Variants in ZMYND8 observed in about 807,000 individuals in gnomAD.
ZMYND8 encodes zinc finger MYND-type containing 8.
In ZMYND8, 37 loss-of-function variants were observed where a neutral mutation model predicts 140.8. The observed-to-expected ratio is 0.26, with a 90% confidence interval of 0.20 to 0.35. ZMYND8 has a LOEUF of 0.35. ZMYND8 is among the 10% of genes least tolerant of loss of function. The pLI is 1.00. For synonymous variants in ZMYND8, 592 were observed against 597.1 expected (o/e 0.99, Z 0.12); for missense variants, 1,068 against 1,570.0 (o/e 0.68, Z 5.40).
chr20:47,283,392 C>T (rs2147879786), intron 9 of ZMYND8, among the ~76,000 whole-genome samples, 179 bp downstream of exon 9: 1 of 152,216 alleles, frequency 6.6e-6, no homozygotes, highest in South Asian at 2.1e-4. Flanking sequence ...GAACTTTCAG[C>T]CTAAGAGGTT....
chr20:47,352,681 G>A (rs946002925), intron 1 of ZMYND8: 21 of 385,422 alleles, frequency 5.4e-5, no homozygotes, highest in Non-Finnish European at 6.4e-5. Flanking sequence ...GGGGAGAAAG[G>A]AGGGCACAGT....
chr20:47,286,636 C>T (rs985691228), intron 8 of ZMYND8, among the ~76,000 whole-genome samples: 1 of 152,112 alleles, frequency 6.6e-6, no homozygotes, highest in African/African-American at 2.4e-5. Context: ...AAGGTCATTC[C>T]ATCTCATTTT....
intron 14 of ZMYND8, 148 bp downstream of exon 14, chr20:47,245,859 CA>C: frequency 8.0e-7 from 1 of 1,248,694 alleles, no homozygotes; most frequent in Admixed American, 3.0e-5. Context: ...AAACCAAACA[CA>C]GCTTCACTGT....
chr20:47,289,936 A>T (rs1255654418), intron 7 of ZMYND8, among the ~76,000 whole-genome samples: 5 of 152,240 alleles, frequency 3.3e-5, no homozygotes, highest in Admixed American at 1.3e-4. Context: ...TTATGCAATT[A>T]TACTTCCATT....
chr20:47,239,041 G>A lies in ZMYND8; in HGVS notation c.2382C>T (p.Gly794=), dbSNP rs762813377. The A allele has an allele frequency of 3.5e-5, 56 of 1,580,738 alleles. No homozygotes were observed. Among genetic ancestry groups the A allele is most frequent in the Middle Eastern group, 1.7e-4 (1 of 5,940 alleles). ...AGGACGTGCTGGTGGTGGCTGTGGC[G>A]CCAGCCGCGGAAGTTTGGGCGGAAG... ...TRSSAQTSAA[G]ATATTSTSST... The change falls in exon 15 of 23, where the codon GGC becomes GGT. Residue 794 remains glycine, a synonymous_variant. Coordinates refer to ENST00000471951, the MANE Select transcript of ZMYND8 (RefSeq NM_001281775.3).
chr20:47,328,419 T>A (rs2080634885), intron 2 of ZMYND8, among the ~76,000 whole-genome samples: 1 of 151,564 alleles, frequency 6.6e-6, no homozygotes, highest in African/African-American at 2.4e-5. Flanking sequence ...ATTTTTATCA[T>A]TTGAAAGGAA....
intron 2 of ZMYND8, among the ~76,000 whole-genome samples, chr20:47,325,238 T>C (rs1471951624): frequency 6.6e-6 from 1 of 152,184 alleles, no homozygotes; most frequent in Non-Finnish European, 1.5e-5. Flanking sequence ...TATTTTCCTC[T>C]TCTGCTGGTT....
chr20:47,253,926 T>C (rs1263732273), intron 12 of ZMYND8, among the ~76,000 whole-genome samples: 3 of 152,262 alleles, frequency 2.0e-5, no homozygotes, highest in Non-Finnish European at 2.9e-5. Context: ...ATGTTTATTC[T>C]TGTTAGAATA....
At chr20:47,348,239 C>A in intron 1 of ZMYND8, 1 of 369,424 alleles carries the variant, frequency 2.7e-6, no homozygotes, top group South Asian at 2.5e-5. Context: ...GAGAACCCAG[C>A]CTTCAAATAA....
At chr20:47,231,465 C>A (rs944035139) in intron 16 of ZMYND8, among the ~76,000 whole-genome samples, 3 of 152,198 alleles carry the variant, frequency 2.0e-5, no homozygotes, top group South Asian at 2.1e-4. Context: ...ATGAAAAAAA[C>A]CACGCAAACA....
At chr20:47,235,539 T>C (rs2039114225) in intron 16 of ZMYND8, among the ~76,000 whole-genome samples, 1 of 151,970 alleles carries the variant, frequency 6.6e-6, no homozygotes, top group African/African-American at 2.4e-5. Context: ...ACCCCATCTC[T>C]ACTAAAAAAA....
At chr20:47,346,466 C>T (rs931826756) in intron 2 of ZMYND8, among the ~76,000 whole-genome samples, 2 of 152,198 alleles carry the variant, frequency 1.3e-5, no homozygotes, top group East Asian at 1.9e-4. Context: ...CTCCCCAGCA[C>T]ACAGCACCCA....
At chr20:47,236,568 C>A (rs1356647039) in intron 15 of ZMYND8, 52 bp from the exon 16 acceptor site, 2 of 1,478,776 alleles carry the variant, frequency 1.4e-6, no homozygotes, top group Non-Finnish European at 1.8e-6. Context: ...CCCATCCCAG[C>A]ACAAAGCTGT....
chr20:47,334,435 T>C (rs1417199309), intron 2 of ZMYND8, among the ~76,000 whole-genome samples: 1 of 151,942 alleles, frequency 6.6e-6, no homozygotes, highest in African/African-American at 2.4e-5. Context: ...TTATATGAAA[T>C]GTCTAGCATA....
chr20:47,217,107 A>C (rs1005224546), intron 21 of ZMYND8, among the ~76,000 whole-genome samples: 4 of 152,210 alleles, frequency 2.6e-5, no homozygotes, highest in African/African-American at 9.6e-5. Context: ...TATTAGCAAC[A>C]GTACTCCATG....
intron 2 of ZMYND8, among the ~76,000 whole-genome samples, chr20:47,336,405 A>G (rs1445697211): frequency 6.6e-6 from 1 of 152,192 alleles, no homozygotes; most frequent in Non-Finnish European, 1.5e-5. Context: ...CATTACACAG[A>G]CATTTTTAAA....
At chr20:47,222,811 C>T (rs747917432) in intron 19 of ZMYND8, among the ~76,000 whole-genome samples, 15 of 152,228 alleles carry the variant, frequency 9.9e-5, no homozygotes, top group Non-Finnish European at 1.6e-4. Context: ...AATAAAATAA[C>T]AGATTTGTCT....
chr20:47,306,389 G>A (rs2078486323), intron 3 of ZMYND8, among the ~76,000 whole-genome samples: 1 of 152,006 alleles, frequency 6.6e-6, no homozygotes, highest in African/African-American at 2.4e-5. Context: ...CTGCACTCCA[G>A]CCTGGGCAGC....
chr20:47,257,589 T>C (rs1044958135), intron 12 of ZMYND8, among the ~76,000 whole-genome samples: 4 of 151,914 alleles, frequency 2.6e-5, no homozygotes, highest in African/African-American at 4.8e-5. Flanking sequence ...CATACACACA[T>C]ACATATACTC....
Sources: gnomAD v4.1 joint callset for allele counts (sites outside exome capture counted in the v4.1 genomes callset) on GRCh38, gnomAD v4.1.1 for gene constraint, MANE v1.5 for transcripts, NCBI Gene and HGNC (gene_info 2026-07-23, HGNC 2026-07-21) for gene names.